The following SNRNP48 variants were observed in gnomAD, a reference collection of about 807,000 sequenced individuals.
SNRNP48 encodes small nuclear ribonucleoprotein U11/U12 subunit 48.
In SNRNP48, 43 loss-of-function variants were observed where a neutral mutation model predicts 47.0. The observed-to-expected ratio is 0.92, with a 90% CI of 0.72 to 1.18. The LOEUF (loss-of-function observed/expected upper bound fraction) is 1.18, where lower values mean the gene tolerates loss of function less well. Among genes scored for constraint, SNRNP48 ranks in the 50% most tolerant of loss-of-function variants. The pLI is 0.00. For synonymous variants in SNRNP48, 138 were observed against 144.0 expected (o/e 0.96, Z 0.30); for missense variants, 396 against 422.2 (o/e 0.94, Z 0.54).
At chr6:7,605,256 C>G (rs760672638) in intron 6 of SNRNP48, 142 bp from the exon 7 acceptor site, 11 of 630,458 alleles carry the variant, frequency 1.7e-5, no homozygotes, top group Non-Finnish European at 3.0e-5. Flanking sequence ...TTTCTGTGTT[C>G]TCTAAACTGC....
chr6:7,596,405 G>C (rs192005633), intron 4 of SNRNP48, among the ~76,000 whole-genome samples: 1 of 152,282 alleles, frequency 6.6e-6, no homozygotes, highest in East Asian at 1.9e-4. Context: ...TCTGTAGGTA[G>C]CTTTCTCTGG....
intron 6 of SNRNP48, among the ~76,000 whole-genome samples, chr6:7,603,709 G>A (rs1299147727): frequency 6.6e-6 from 1 of 152,120 alleles, no homozygotes; most frequent in African/African-American, 2.4e-5. Flanking sequence ...GTACCACACA[G>A]CTTAGCTCTA....
rs1243722464 is a variant in SNRNP48 at position 7,594,082 on chromosome 6, A to G, written c.271-17A>G. The G allele has an allele frequency of 1.5e-6, 2 of 1,371,420 alleles. No individual in the cohort carries two copies. The highest frequency in any genetic ancestry group is 1.5e-5 in the African/African-American group (1 of 67,662). 85.0% of individuals were successfully genotyped at this position (1,371,420 alleles called of 1,614,324 possible). On this transcript the variant is annotated splice_polypyrimidine_tract_variant and intron_variant, in intron 2 of 8. Coordinates refer to ENST00000342415, the MANE Select transcript of SNRNP48 (RefSeq NM_152551.4). ...AATTATCTGATACTTAAGAACAGTA[A>G]GATTCTTTTTTTTCAGGATGAAATG...
chr6:7,597,387 G>A (rs1013773667), intron 4 of SNRNP48, among the ~76,000 whole-genome samples: 4 of 152,170 alleles, frequency 2.6e-5, no homozygotes, highest in Non-Finnish European at 4.4e-5. Flanking sequence ...CATACTAATC[G>A]TGACTATCAG....
At chr6:7,590,809 C>T (rs1759803265) in intron 1 of SNRNP48, among the ~76,000 whole-genome samples, 2 of 152,174 alleles carry the variant, frequency 1.3e-5, no homozygotes, top group South Asian at 4.1e-4. Context: ...GAAACCTCTT[C>T]TCTACCAAAA....
chr6:7,601,555 C>A, intron 5 of SNRNP48, 31 bp downstream of exon 5: 1 of 1,504,298 alleles, frequency 6.6e-7, no homozygotes, highest in Non-Finnish European at 8.8e-7. Flanking sequence ...CTTTACATTT[C>A]TTCATTATCA....
chr6:7,590,867 A>G (rs1184016480), intron 1 of SNRNP48, among the ~76,000 whole-genome samples: 2 of 152,100 alleles, frequency 1.3e-5, no homozygotes, highest in East Asian at 1.9e-4. Context: ...GGCCCCAGCT[A>G]TTTGGGAGGC....
chr6:7,596,230 C>T (rs889728363), intron 4 of SNRNP48, among the ~76,000 whole-genome samples: 3 of 151,866 alleles, frequency 2.0e-5, no homozygotes, highest in Non-Finnish European at 4.4e-5. Context: ...TGCACCATTG[C>T]ACTCCAGCCT....
At chr6:7,594,193 T>C in intron 3 of SNRNP48, 34 bp downstream of exon 3, 2 of 1,035,682 alleles carry the variant, frequency 1.9e-6, no homozygotes, top group South Asian at 1.8e-5. Context: ...TAAAAATATC[T>C]TAGTGTAGAT....
Position 7,608,945 on chromosome 6 carries a change from T to A in SNRNP48, c.*72T>A. ...AATATACAGATATATTAATTGGAAT[T>A]CCTTTGCATAGGAGAATGTTTTTAT... On this transcript the variant is annotated 3_prime_UTR_variant, in exon 9 of 9. Transcript: ENST00000342415. 1.2e-6 allele frequency: 1 copy of A among 843,158 alleles called. No individual in the cohort carries two copies. The highest frequency in any genetic ancestry group is 1.7e-6 in the Non-Finnish European group (1 of 572,418). 52.2% of individuals were successfully genotyped at this position (843,158 alleles called of 1,614,324 possible). A position where few individuals can be genotyped will look rare whatever the true frequency, so the allele number is the denominator to read the frequency against.
chr6:7,600,753 G>A (rs1029146933), intron 4 of SNRNP48: 1 of 152,052 alleles, frequency 6.6e-6, no homozygotes, highest in Non-Finnish European at 1.5e-5. Context: ...TGCTTTCCTG[G>A]CGTGAGGAGG....
intron 8 of SNRNP48, among the ~76,000 whole-genome samples, chr6:7,607,636 C>T (rs1760155756): frequency 2.0e-5 from 3 of 152,262 alleles, no homozygotes; most frequent in Middle Eastern, 6.8e-3. Context: ...TCATCTTTTC[C>T]ATTTTGTTGC....
rs760050078 is a variant in SNRNP48 at position 7,608,862 on chromosome 6, C to CA, written c.1015dup (p.Ile339AsnfsTer16). On this transcript the variant is annotated frameshift_variant, in exon 9 of 9. Coordinates refer to ENST00000342415, the MANE Select transcript of SNRNP48 (RefSeq NM_152551.4). LOFTEE classifies it high-confidence loss of function. ...ACACCATAGTCATAAAAGAAGAAAGCAAAAAATATAAATGAAGTACTTGTA... is the reference window on the plus strand; with the variant it reads ...ACACCATAGTCATAAAAGAAGAAAGCAAAAAAATATAAATGAAGTACTTGTA... The CA allele has an allele frequency of 3.3e-6, 5 of 1,509,482 alleles. No homozygotes were observed. In the East Asian group the frequency reaches 7.0e-5, roughly 21 times the overall value. 93.5% of individuals were successfully genotyped at this position (1,509,482 alleles called of 1,614,324 possible).
chr6:7,594,803 C>T (rs1759874151), intron 3 of SNRNP48, among the ~76,000 whole-genome samples: 1 of 152,124 alleles, frequency 6.6e-6, no homozygotes, highest in African/African-American at 2.4e-5. Flanking sequence ...TGCTGCGTGC[C>T]TAATTATAGG....
chr6:7,590,392 C>T lies in SNRNP48; in HGVS notation c.135C>T (p.Pro45=), dbSNP rs753700062. 2 of 1,328,844 alleles carry T rather than the reference C, an allele frequency of 1.5e-6. No individual in the cohort carries two copies. The highest frequency in any genetic ancestry group is 3.0e-5 in the African/African-American group (2 of 66,622). 82.3% of individuals were successfully genotyped at this position (1,328,844 alleles called of 1,614,324 possible). A position where few individuals can be genotyped will look rare whatever the true frequency, so the allele number is the denominator to read the frequency against. The change falls in exon 1 of 9, where the codon CCC becomes CCT. Residue 45 remains proline, a synonymous_variant. Transcript: ENST00000342415. The part of the protein sequence containing the change: ...SLGWDLDSLD[P]GEEEAAEDEV... ...GCTGGGACCTAGATAGTCTGGATCCCGGGGAAGAGGAGGCGGCGGAGGTGA... is the reference window on the plus strand; with the variant it reads ...GCTGGGACCTAGATAGTCTGGATCCTGGGGAAGAGGAGGCGGCGGAGGTGA...
chr6:7,603,346 G>A (rs60709136), intron 6 of SNRNP48, among the ~76,000 whole-genome samples: 2,713 of 152,052 alleles, frequency 0.018, 66 homozygotes, highest in African/African-American at 0.061. Context: ...TTAATGGCTC[G>A]TTAGAGTTGA....
intron 4 of SNRNP48, among the ~76,000 whole-genome samples, chr6:7,595,867 G>A (rs1447103485): frequency 6.6e-6 from 1 of 152,170 alleles, no homozygotes; most frequent in Non-Finnish European, 1.5e-5. Context: ...CCCAGCTTTA[G>A]AGCTGGGTTA....
intron 7 of SNRNP48, 42 bp from the exon 8 acceptor site, chr6:7,605,989 A>AGTG (rs1760117007): frequency 6.4e-7 from 1 of 1,557,550 alleles, no homozygotes; most frequent in South Asian, 1.2e-5. Context: ...ACTGGAGACC[A>AGTG]GTGGTAACAC....
In SNRNP48 at chr6:7,594,081, A is replaced by T. The variant is rs755090965; in HGVS notation, c.271-18A>T. The T allele has an allele frequency of 1.5e-6, 2 of 1,366,818 alleles. No individual in the cohort carries two copies. Among genetic ancestry groups the T allele is most frequent in the East Asian group, 5.1e-5 (2 of 39,344 alleles). 84.7% of individuals were successfully genotyped at this position (1,366,818 alleles called of 1,614,324 possible). ...CAATTATCTGATACTTAAGAACAGT[A>T]AGATTCTTTTTTTTCAGGATGAAAT... On this transcript the variant is annotated intron_variant, in intron 2 of 8. Coordinates refer to ENST00000342415, the MANE Select transcript of SNRNP48 (RefSeq NM_152551.4).
Sources: gnomAD v4.1 joint callset for allele counts (sites outside exome capture counted in the v4.1 genomes callset) on GRCh38, gnomAD v4.1.1 for gene constraint, MANE v1.5 for transcripts, NCBI Gene and HGNC (gene_info 2026-07-23, HGNC 2026-07-21) for gene names.